Variants in HSPG2 observed in about 807,000 individuals in gnomAD.
HSPG2 encodes heparan sulfate proteoglycan 2.
Under a neutral mutation model 526.6 loss-of-function variants are expected in HSPG2, and 278 were observed. The observed-to-expected ratio is 0.53, with a 90% CI of 0.48 to 0.58. The LOEUF (loss-of-function observed/expected upper bound fraction) is 0.58. Among genes scored for constraint, HSPG2 ranks in the 20% least tolerant of loss-of-function variants. HSPG2 has a pLI of 0.00. For synonymous variants in HSPG2, 2,465 were observed against 2,555.4 expected (o/e 0.96, Z 1.07); for missense variants, 5,354 against 6,099.5 (o/e 0.88, Z 4.07).
At chr1:21,875,383 C>G (rs1466343311) in intron 25 of HSPG2, among the ~76,000 whole-genome samples, 1 of 152,112 alleles carries the variant, frequency 6.6e-6, no homozygotes, top group Non-Finnish European at 1.5e-5. Flanking sequence ...CATGGCCCCT[C>G]CCCCCTCCTG....
At chr1:21,910,088 C>T (rs569796087) in intron 1 of HSPG2, among the ~76,000 whole-genome samples, 7 of 152,352 alleles carry the variant, frequency 4.6e-5, no homozygotes, top group East Asian at 1.9e-4. Context: ...AAGACCTCCC[C>T]GCCCCACCTC....
intron 17 of HSPG2, among the ~76,000 whole-genome samples, 176 bp from the exon 18 acceptor site, chr1:21,879,297 C>T (rs545599926): frequency 3.5e-4 from 54 of 152,198 alleles, no homozygotes; most frequent in South Asian, 3.3e-3. Context: ...TCATCTTACA[C>T]GGCAGCCTGT....
intron 42 of HSPG2, 36 bp from the exon 43 acceptor site, chr1:21,857,421 T>C: frequency 6.3e-7 from 1 of 1,582,694 alleles, no homozygotes; most frequent in Non-Finnish European, 8.7e-7. Context: ...GAGCCGGTGC[T>C]GGCTAGGCCC....
At position 21,875,651 on chromosome 1, in the gene HSPG2, C is replaced by T. The variant is rs200196481; in HGVS notation, c.3280G>A (p.Ala1094Thr). The T allele has an allele frequency of 2.0e-4, 324 of 1,602,280 alleles. 2 individuals carry two copies. The highest frequency in any genetic ancestry group is 3.3e-4 in the Middle Eastern group (2 of 6,060). ...CACCTGCTCTCAGCGGGCTGCTGGG[C>T]GTAGGATGCTCGGATCAGGAGGGTG... ...IDTLLIRASY[A>T]QQPAESRVSG... The change falls in exon 25 of 97, where the codon GCC (alanine) becomes ACC (threonine). Residue 1094 changes from alanine to threonine, a missense_variant. Physicochemically the swap from Ala to Thr is moderately conservative, Grantham distance 58 (BLOSUM62 0). Transcript: ENST00000374695.
Position 21,824,584 on chromosome 1 carries a change from C to G in HSPG2, c.12697G>C (p.Glu4233Gln), listed in dbSNP as rs777445110. The change falls in exon 93 of 97, where the codon GAG becomes CAG. Residue 4233 changes from glutamate to glutamine, a missense_variant. Transcript: ENST00000374695. This position sits in a 1 kb window ranked among gnomAD's most constrained non-coding sequence, Gnocchi z 5.9. Reference protein sequence around the residue: ...LPEVPETIELEVRTSTASGLL... With the variant: ...LPEVPETIELQVRTSTASGLL... ...CCACTGGCTGTGCTGGTCCGAACCTCCAGCTCGATGGTCTCGGGCACCTCG... is the reference window on the plus strand; with the variant it reads ...CCACTGGCTGTGCTGGTCCGAACCTGCAGCTCGATGGTCTCGGGCACCTCG... The G allele has an allele frequency of 2.5e-6, 4 of 1,614,046 alleles. No homozygotes were observed. In the South Asian group the frequency reaches 4.4e-5, roughly 18 times the overall value.
At chr1:21,880,900 G>T in intron 14 of HSPG2, 65 bp from the exon 15 acceptor site, 1 of 1,462,666 alleles carries the variant, frequency 6.8e-7, no homozygotes, top group Non-Finnish European at 9.3e-7. Context: ...TGCCTATGAG[G>T]TGCCTATAGT....
At chr1:21,852,341 G>A in intron 52 of HSPG2, 108 bp from the exon 53 acceptor site, 3 of 1,389,282 alleles carry the variant, frequency 2.2e-6, no homozygotes, top group Non-Finnish European at 3.0e-6. Context: ...GCCAGATCCA[G>A]CTTTTCAGGC....
chr1:21,904,722 G>A lies in HSPG2; in HGVS notation c.64-8412C>T, dbSNP rs994216147. 2.0e-5 allele frequency among the ~76,000 whole-genome samples: 3 copies of A among 152,200 alleles called. No homozygotes were observed. Among genetic ancestry groups the A allele is most frequent in the African/African-American group, 7.2e-5 (3 of 41,456 alleles). On this transcript the variant is annotated intron_variant, in intron 1 of 96. Transcript: ENST00000374695. The surrounding 1 kb of genome is among the most constrained non-coding windows in gnomAD (Gnocchi z 4.4). ...GCGGGAACAGCTTCTGGACTGGGCT[G>A]CCCAGCAAGAAGGTCCCTGGGGGTC...
chr1:21,837,312 C>T (rs867076333), intron 74 of HSPG2, among the ~76,000 whole-genome samples: 1 of 152,204 alleles, frequency 6.6e-6, no homozygotes, highest in East Asian at 1.9e-4. Context: ...GACGGAGTCT[C>T]GCTCTGTTCC....
intron 55 of HSPG2, among the ~76,000 whole-genome samples, chr1:21,850,974 C>CTTT (rs11431222): frequency 5.7e-4 from 80 of 140,854 alleles, no homozygotes; most frequent in African/African-American, 2.1e-3. Flanking sequence ...CTGTGAGGTA[C>CTTT]TTTTTTTTTT....
intron 3 of HSPG2, among the ~76,000 whole-genome samples, chr1:21,894,166 G>A (rs1229934780): frequency 1.3e-5 from 2 of 152,134 alleles, no homozygotes; most frequent in Non-Finnish European, 2.9e-5. Context: ...TCCTAGGGAG[G>A]GGAGGCTATC....
Position 21,833,401 on chromosome 1 carries a change from C to T in HSPG2, c.10979-17G>A. The T allele has an allele frequency of 6.2e-7, 1 of 1,614,100 alleles. No homozygotes were observed. Among genetic ancestry groups the T allele is most frequent in the Non-Finnish European group, 8.5e-7 (1 of 1,179,936 alleles). On this transcript the variant is annotated splice_polypyrimidine_tract_variant and intron_variant, in intron 79 of 96. Coordinates refer to ENST00000374695, the MANE Select transcript of HSPG2 (RefSeq NM_005529.7). Reference sequence around the variant, plus strand: ...CCACCCGCTCTGCCAGCAGAGAGCACAGCTGAAGACCCTGCCAGTCAGGGA... The same window carrying T: ...CCACCCGCTCTGCCAGCAGAGAGCATAGCTGAAGACCCTGCCAGTCAGGGA...
In HSPG2 at chr1:21,865,707, A is replaced by G. The variant is rs1352084773; in HGVS notation, c.4314+10T>C. The G allele has an allele frequency of 6.2e-7, 1 of 1,601,744 alleles. No individual in the cohort carries two copies. Among genetic ancestry groups the G allele is most frequent in the African/African-American group, 1.4e-5 (1 of 73,254 alleles). ...CTTCTGCCCACCCAGCATGGTGTCC[A>G]AATGCTCACCGTGATCTGCACATCG... On this transcript the variant is annotated intron_variant, in intron 34 of 96. Transcript: ENST00000374695. The surrounding 1 kb of genome is among the most constrained non-coding windows in gnomAD (Gnocchi z 5.4).
At chr1:21,933,513 T>C (rs1440627879) in intron 1 of HSPG2, among the ~76,000 whole-genome samples, 1 of 152,182 alleles carries the variant, frequency 6.6e-6, no homozygotes, top group African/African-American at 2.4e-5. Flanking sequence ...TCCACTTTGC[T>C]CACCCGTCTT....
chr1:21,924,869 A>G (rs924402300), intron 1 of HSPG2, among the ~76,000 whole-genome samples: 11 of 152,222 alleles, frequency 7.2e-5, no homozygotes, highest in Non-Finnish European at 4.4e-5. Flanking sequence ...CAGCCAAATC[A>G]GACTTGCTCT....
In HSPG2 at chr1:21,887,160, G is replaced by GAGTGGAAGGCGGGGCAGC; in HGVS notation, c.1078+54_1078+55insGCTGCCCCGCCTTCCACT. On this transcript the variant is annotated intron_variant, in intron 9 of 96. Transcript: ENST00000374695. The surrounding 1 kb of genome is among the most constrained non-coding windows in gnomAD (Gnocchi z 5.0). ...GGGGCAGGAGTGGAAGGCGGGGCAG[G>GAGTGGAAGGCGGGGCAGC]AGCAAGCGGCCTGGGCAGGGCAAGG... 1.2e-6 allele frequency: 2 copies of GAGTGGAAGGCGGGGCAGC among 1,607,366 alleles called. No individual in the cohort carries two copies. Among genetic ancestry groups the GAGTGGAAGGCGGGGCAGC allele is most frequent in the Non-Finnish European group, 1.7e-6 (2 of 1,176,876 alleles).
chr1:21,852,943 C>T lies in HSPG2; in HGVS notation c.6567G>A (p.Gly2189=), dbSNP rs1199978965. 8.1e-6 allele frequency: 13 copies of T among 1,613,348 alleles called. No homozygotes were observed. Among genetic ancestry groups the T allele is most frequent in the Non-Finnish European group, 1.1e-5 (13 of 1,179,862 alleles). The part of the protein sequence containing the change: ...AHAQVTWHKR[G]GSLPARHQTH... ...CCTGGTGCCGGGCAGGGAGGCTGCCCCCACGCTTGTGCCACGTGACCTGGG... is the reference window on the plus strand; with the variant it reads ...CCTGGTGCCGGGCAGGGAGGCTGCCTCCACGCTTGTGCCACGTGACCTGGG... The change falls in exon 51 of 97, where the codon GGG becomes GGA. Residue 2189 remains glycine (G), a synonymous_variant. Transcript: ENST00000374695.
At position 21,835,056 on chromosome 1, in the gene HSPG2, C is replaced by G. The variant is rs1054525854; in HGVS notation, c.10454-111G>C. On this transcript the variant is annotated intron_variant, in intron 76 of 96. Coordinates refer to ENST00000374695, the MANE Select transcript of HSPG2 (RefSeq NM_005529.7). ...GAGCACTGAAGCTCCAGCATTCATT[C>G]ACTCCTCATTCACTTTTTCATGCAT... 6 of 1,209,670 alleles carry G rather than the reference C, an allele frequency of 5.0e-6. No homozygotes were observed. In the African/African-American group the frequency reaches 7.4e-5, roughly 15 times the overall value. 74.9% of individuals were successfully genotyped at this position (1,209,670 alleles called of 1,614,324 possible). A position where few individuals can be genotyped will look rare whatever the true frequency, so the allele number is the denominator to read the frequency against.
chr1:21,901,650 C>T (rs1002855965), intron 1 of HSPG2, among the ~76,000 whole-genome samples: 6 of 152,102 alleles, frequency 3.9e-5, no homozygotes, highest in African/African-American at 9.7e-5. Context: ...ACTGAGCCCC[C>T]GACTGCCCCC....
Sources: allele counts gnomAD v4.1 joint callset (sites outside exome capture counted in the v4.1 genomes callset), GRCh38; gene constraint gnomAD v4.1.1; non-coding constraint Gnocchi (gnomAD v3.1); transcripts MANE v1.5; gene names NCBI Gene and HGNC (gene_info 2026-07-23, HGNC 2026-07-21).